Variants in COL22A1 observed in about 807,000 individuals in gnomAD.
The protein encoded by COL22A1 is collagen type XXII alpha 1 chain.
A neutral mutation model predicts 248.9 loss-of-function variants in COL22A1; 221 were observed. The observed-to-expected ratio is 0.89, with a 90% CI of 0.80 to 0.99. The LOEUF (loss-of-function observed/expected upper bound fraction) is 0.99. Ranked by LOEUF, COL22A1 falls within the 50% of genes least tolerant of loss-of-function variation. The pLI, the probability that COL22A1 is intolerant of heterozygous loss-of-function variation, is 0.00. For synonymous variants in COL22A1, 891 were observed against 793.4 expected (o/e 1.12, Z -2.07); for missense variants, 2,240 against 2,179.0 (o/e 1.03, Z -0.56).
Position 138,649,735 on chromosome 8 carries a change from C to A in COL22A1, c.3377G>T (p.Gly1126Val). 4 of 1,610,134 alleles carry A rather than the reference C, an allele frequency of 2.5e-6. No individual in the cohort carries two copies. The highest frequency in any genetic ancestry group is 2.5e-6 in the Non-Finnish European group (3 of 1,178,282). The stretch of plus-strand genomic sequence containing the variant: ...TTTGTCCCCTTTAAAACCTGGTAGA[C>A]CAGGGAGGCCTGGGGGGCCAGGAGG... ...DCPPGPPGLPGLPGFKGDKGV... is the reference protein window; with the variant it reads ...DCPPGPPGLPVLPGFKGDKGV... The change falls in exon 46 of 65, where the codon GGT becomes GTT. Residue 1126 changes from glycine to valine, a missense_variant. Physicochemically the swap from Gly to Val is moderately radical, Grantham distance 109. Coordinates refer to ENST00000303045, the MANE Select transcript of COL22A1 (RefSeq NM_152888.3).
rs190100585 is a variant in COL22A1 at position 138,600,681 on chromosome 8, T to C, written c.4185+1434A>G. Among the ~76,000 whole-genome samples the C allele has an allele frequency of 1.3e-3, 205 of 152,330 alleles. 1 individual carries two copies. The highest frequency in any genetic ancestry group is 9.6e-4 in the Non-Finnish European group (65 of 68,034). ...CTGCAATTTTCACTGTTGAACAATGTACCTGTATTGCTTTTAATATTTCAA... is the reference window on the plus strand; with the variant it reads ...CTGCAATTTTCACTGTTGAACAATGCACCTGTATTGCTTTTAATATTTCAA... On this transcript the variant is annotated intron_variant, in intron 60 of 64. Coordinates refer to ENST00000303045, the MANE Select transcript of COL22A1 (RefSeq NM_152888.3).
At chr8:138,890,491 C>T (rs1824986698) in intron 1 of COL22A1, among the ~76,000 whole-genome samples, 1 of 152,090 alleles carries the variant, frequency 6.6e-6, no homozygotes, top group Non-Finnish European at 1.5e-5. Context: ...CTCTGTTTCA[C>T]ATGCTAGAGT....
chr8:138,856,372 G>T (rs764854333), intron 3 of COL22A1, among the ~76,000 whole-genome samples: 1 of 152,194 alleles, frequency 6.6e-6, no homozygotes, highest in Non-Finnish European at 1.5e-5. Context: ...GGGGGTGCTG[G>T]CCTTGGAGGA....
intron 1 of COL22A1, among the ~76,000 whole-genome samples, chr8:138,903,103 A>G (rs1274460141): frequency 6.6e-6 from 1 of 152,126 alleles, no homozygotes; most frequent in Non-Finnish European, 1.5e-5. Flanking sequence ...CCAGGAATTA[A>G]CTTATGAATT....
chr8:138,772,385 A>C (rs903539597), intron 16 of COL22A1, among the ~76,000 whole-genome samples: 7 of 152,236 alleles, frequency 4.6e-5, no homozygotes, highest in Non-Finnish European at 7.3e-5. Flanking sequence ...GACCAAGGTC[A>C]TCACGGTGAA....
At chr8:138,639,245 T>C (rs538225091) in intron 47 of COL22A1, among the ~76,000 whole-genome samples, 6 of 152,342 alleles carry the variant, frequency 3.9e-5, no homozygotes, top group African/African-American at 7.2e-5. Context: ...ACACAGCTTA[T>C]AGAAAGCAAG....
At chr8:138,830,194 T>C (rs939136703) in intron 5 of COL22A1, among the ~76,000 whole-genome samples, 4 of 152,228 alleles carry the variant, frequency 2.6e-5, no homozygotes, top group Non-Finnish European at 5.9e-5. Flanking sequence ...CTGCTTCTTC[T>C]GACCTGTGAG....
chr8:138,810,437 G>C (rs1818116275), intron 9 of COL22A1, among the ~76,000 whole-genome samples: 1 of 152,166 alleles, frequency 6.6e-6, no homozygotes, highest in Non-Finnish European at 1.5e-5. Context: ...GCCTGACTGC[G>C]GTGGACCTTA....
chr8:138,670,871 G>C (rs915407345), intron 41 of COL22A1, among the ~76,000 whole-genome samples: 2 of 145,908 alleles, frequency 1.4e-5, no homozygotes, highest in Admixed American at 7.1e-5. Flanking sequence ...TGAGGTGGGA[G>C]GATCACTTGA....
chr8:138,900,056 G>T (rs1400171861), intron 1 of COL22A1, among the ~76,000 whole-genome samples: 1 of 152,116 alleles, frequency 6.6e-6, no homozygotes, highest in Non-Finnish European at 1.5e-5. Context: ...TTCAGAAGGG[G>T]CTAGCAAAAC....
chr8:138,767,112 A>G (rs1253443262), intron 16 of COL22A1, among the ~76,000 whole-genome samples: 5 of 152,154 alleles, frequency 3.3e-5, no homozygotes, highest in African/African-American at 4.8e-5. Context: ...ACAAATAAGG[A>G]GCATAATATT....
chr8:138,823,701 C>T (rs1324711957), intron 6 of COL22A1, among the ~76,000 whole-genome samples: 1 of 152,208 alleles, frequency 6.6e-6, no homozygotes. Flanking sequence ...CCACTGTGCC[C>T]AACCATTTAT....
intron 1 of COL22A1, among the ~76,000 whole-genome samples, chr8:138,888,724 G>A (rs1376684447): frequency 6.6e-6 from 1 of 152,194 alleles, no homozygotes; most frequent in Non-Finnish European, 1.5e-5. Context: ...CCAAGGTCAG[G>A]AGTCAGATGG....
chr8:138,615,039 GA>G (rs2131902300), intron 55 of COL22A1, among the ~76,000 whole-genome samples: 1 of 152,296 alleles, frequency 6.6e-6, no homozygotes, highest in African/African-American at 2.4e-5. Flanking sequence ...CCAGTTCCAT[GA>G]TGCCACTCTG....
At chr8:138,685,095 T>C in intron 38 of COL22A1, 113 bp downstream of exon 38, 4 of 777,630 alleles carry the variant, frequency 5.1e-6, no homozygotes, top group Non-Finnish European at 6.5e-6. Context: ...CAGGCCCATT[T>C]CATTGGCCAC....
At chr8:138,900,505 A>AT (rs1316360341) in intron 1 of COL22A1, among the ~76,000 whole-genome samples, 2 of 152,160 alleles carry the variant, frequency 1.3e-5, no homozygotes, top group Non-Finnish European at 2.9e-5. Context: ...TATCAGTTAT[A>AT]TTTTTTGTTT....
rs148673661 is a variant in COL22A1, at chr8:138,888,690, G to A, written c.-72-5446C>T. On this transcript the variant is annotated intron_variant, in intron 1 of 64. Transcript: ENST00000303045. The stretch of plus-strand genomic sequence containing the variant: ...GGAAGAAAAGCACTGTCCAAAAATG[G>A]AACACATAAGGGCAGTCAGGGTTCC... Among the ~76,000 whole-genome samples, 299 of 152,290 alleles carry A rather than the reference G, an allele frequency of 2.0e-3. 2 individuals carry two copies. The highest frequency in any genetic ancestry group is 6.9e-3 in the African/African-American group (286 of 41,572).
intron 4 of COL22A1, 22 bp from the exon 5 acceptor site, chr8:138,833,172 G>A: frequency 6.5e-7 from 1 of 1,534,502 alleles, no homozygotes; most frequent in Middle Eastern, 1.7e-4. Flanking sequence ...GAAGAGCTGG[G>A]AGTGAGTTTG....
At chr8:138,899,022 A>C (rs888925299) in intron 1 of COL22A1, among the ~76,000 whole-genome samples, 3 of 152,176 alleles carry the variant, frequency 2.0e-5, no homozygotes, top group African/African-American at 4.8e-5. Flanking sequence ...CTTCAGCCAC[A>C]TGCTGCAGAT....
Sources: gnomAD v4.1 joint callset for allele counts (sites outside exome capture counted in the v4.1 genomes callset) on GRCh38, gnomAD v4.1.1 for gene constraint, MANE v1.5 for transcripts, NCBI Gene and HGNC (gene_info 2026-07-23, HGNC 2026-07-21) for gene names.